Variants in CCDC40 observed in about 807,000 individuals in gnomAD.
CCDC40 encodes the protein coiled-coil domain-containing protein 40.
CCDC40 carries 104 observed loss-of-function variants against 124.5 expected under a neutral mutation model. The observed-to-expected ratio is 0.84, with a 90% CI of 0.71 to 0.98. The LOEUF (loss-of-function observed/expected upper bound fraction) is 0.98. Ranked by LOEUF, CCDC40 falls within the 50% of genes least tolerant of loss-of-function variation. CCDC40 has a pLI of 0.00. For missense variants in CCDC40, 1,463 were observed against 1,503.9 expected (o/e 0.97, Z 0.45); for synonymous variants, 580 against 602.9 (o/e 0.96, Z 0.56).
Position 80,054,552 on chromosome 17 carries a change from C to T in CCDC40, c.1160-3942C>T, listed in dbSNP as rs143350300. The stretch of plus-strand genomic sequence containing the variant: ...ATACAAGCAGGAAACTGTAAAGCGG[C>T]CCCACATGTGAGGAGTGAAAATCCT... On this transcript the variant is annotated intron_variant, in intron 7 of 19. Transcript: ENST00000397545. Among the ~76,000 whole-genome samples the T allele has an allele frequency of 8.5e-5, 13 of 152,180 alleles. No homozygotes were observed. The East Asian group carries it at 1.9e-3, about 23-fold the overall frequency.
chr17:80,095,400 C>G lies in CCDC40; in HGVS notation c.2970C>G (p.Asp990Glu). ...ACAGGAAGGCGCTCACCCGCACCGA[C>G]TTCCACCACAAGCAGCTTGAGCTGC... ...KMDRKALTRT[D>E]FHHKQLELRR... Residue 990 changes from aspartate (D) to glutamate (E), a missense_variant, in exon 18 of 20, where the codon GAC (aspartate) becomes GAG (glutamate). Asp to Glu is a conservative substitution (Grantham distance 45, BLOSUM62 2). Transcript: ENST00000397545. 6.2e-7 allele frequency: 1 copy of G among 1,614,142 alleles called. No homozygotes were observed. Among genetic ancestry groups the G allele is most frequent in the Non-Finnish European group, 8.5e-7 (1 of 1,180,042 alleles).
intron 10 of CCDC40, among the ~76,000 whole-genome samples, chr17:80,075,836 A>G (rs2038299238): frequency 6.6e-6 from 1 of 152,166 alleles, no homozygotes; most frequent in Admixed American, 6.6e-5. Flanking sequence ...CCTAATATCA[A>G]CATTAACAGA....
rs890608651 is a variant in CCDC40 at position 80,089,974 on chromosome 17, G to A, written c.2832+90G>A. ...GCCACACCAAGGCCTCGGCTCTCCC[G>A]GGGCTCCTGTGGGAACCACACTGGC... is the stretch of plus-strand genomic sequence containing the variant. On this transcript the variant is annotated intron_variant, in intron 17 of 19. Coordinates refer to ENST00000397545, the MANE Select transcript of CCDC40 (RefSeq NM_017950.4). The A allele has an allele frequency of 4.5e-6, 7 of 1,561,842 alleles. No individual in the cohort carries two copies. The Admixed American group carries it at 5.7e-5, about 13-fold the overall frequency.
intron 10 of CCDC40, among the ~76,000 whole-genome samples, chr17:80,078,492 G>C (rs1387714600): frequency 6.6e-6 from 1 of 152,160 alleles, no homozygotes; most frequent in Admixed American, 6.5e-5. Flanking sequence ...CTCAGGTTTT[G>C]TGTGTCTCTC....
At chr17:80,051,651 A>G (rs1006457175) in intron 7 of CCDC40, among the ~76,000 whole-genome samples, 12 of 146,860 alleles carry the variant, frequency 8.2e-5, no homozygotes, top group East Asian at 3.9e-4. Flanking sequence ...AAAAAAAAAA[A>G]AAAGAAAAAA....
chr17:80,052,114 A>T (rs753030), intron 7 of CCDC40, among the ~76,000 whole-genome samples: 10 of 152,186 alleles, frequency 6.6e-5, no homozygotes, highest in African/African-American at 2.4e-4. Context: ...GAGAAAGCCC[A>T]CGGTCACCTG....
At chr17:80,084,184 G>A (rs923444094) in intron 12 of CCDC40, among the ~76,000 whole-genome samples, 12 of 149,122 alleles carry the variant, frequency 8.0e-5, no homozygotes, top group African/African-American at 3.0e-4. Context: ...CCTAAGACTG[G>A]ATAACTGATA....
In CCDC40 at chr17:80,044,851, G is replaced by C. The variant is rs185873650; in HGVS notation, c.553-2428G>C. ...GGCCTAGTTTCTAGAAAATACACTG[G>C]GAAGTAGTTTTCAAATATGATTGAA... On this transcript the variant is annotated intron_variant, in intron 3 of 19. Transcript: ENST00000397545. 5.3e-3 allele frequency among the ~76,000 whole-genome samples: 800 copies of C among 151,912 alleles called. 3 individuals carry two copies. Among genetic ancestry groups the C allele is most frequent in the African/African-American group, 0.015 (640 of 41,330 alleles).
intron 10 of CCDC40, among the ~76,000 whole-genome samples, chr17:80,077,516 C>T (rs1175131881): frequency 6.6e-6 from 1 of 152,208 alleles, no homozygotes; most frequent in Admixed American, 6.5e-5. Flanking sequence ...GAGCGAGACT[C>T]CGTCTCAAAA....
chr17:80,039,665 C>G (rs2037222452), intron 2 of CCDC40, 147 bp from the exon 3 acceptor site: 2 of 1,036,410 alleles, frequency 1.9e-6, no homozygotes, highest in Non-Finnish European at 2.8e-6. Context: ...CTGCCTCAGC[C>G]TCCCAAAGTG....
chr17:80,047,549 T>C (rs2143606470), intron 4 of CCDC40, 147 bp downstream of exon 4: 3 of 772,262 alleles, frequency 3.9e-6, no homozygotes, highest in Non-Finnish European at 6.5e-6. Flanking sequence ...TTAACAGATA[T>C]GGATAACATT....
intron 7 of CCDC40, among the ~76,000 whole-genome samples, chr17:80,051,643 A>G (rs1440585662): frequency 4.0e-5 from 6 of 149,556 alleles, no homozygotes; most frequent in Non-Finnish European, 8.9e-5. Context: ...AAAAAAAAAA[A>G]AAAAAAAAAA....
chr17:80,068,222 C>T (rs772387613), intron 10 of CCDC40, among the ~76,000 whole-genome samples: 6 of 152,094 alleles, frequency 3.9e-5, no homozygotes, highest in South Asian at 2.1e-4. Flanking sequence ...TTAGTAGAGA[C>T]GGGGTTTCAC....
In CCDC40 at chr17:80,087,069, A is replaced by G; in HGVS notation, c.2450-538A>G. On this transcript the variant is annotated intron_variant, in intron 14 of 19. Transcript: ENST00000397545. This position sits in a 1 kb window ranked among gnomAD's most constrained non-coding sequence, Gnocchi z 4.5. ...GGTAGTCAGGGCACACCATGGGGAC[A>G]GCAGGAGGAGCTGGAGAAGCCCTGT... 1 of 208,906 alleles carries G rather than the reference A, an allele frequency of 4.8e-6. No individual in the cohort carries two copies. The allele number at this position is 208,906 out of a possible 1,614,324, so 12.9% of individuals were successfully genotyped here.
chr17:80,049,779 G>A (rs2037530755), intron 5 of CCDC40, 127 bp from the exon 6 acceptor site: 1 of 761,870 alleles, frequency 1.3e-6, no homozygotes, highest in South Asian at 1.4e-5. Context: ...AGCAGAAGCA[G>A]GGAGCACTCC....
intron 16 of CCDC40, among the ~76,000 whole-genome samples, chr17:80,089,242 G>C (rs560782428): frequency 6.6e-6 from 1 of 152,340 alleles, no homozygotes; most frequent in Non-Finnish European, 1.5e-5. Flanking sequence ...CCTGTGGAAA[G>C]GGTGCGGAGC....
At chr17:80,050,379 T>C (rs1028056002) in intron 7 of CCDC40, 96 bp downstream of exon 7, 4 of 958,854 alleles carry the variant, frequency 4.2e-6, no homozygotes, top group African/African-American at 1.6e-5. Flanking sequence ...AAAAGTAAGA[T>C]GTGTGTGCAT....
At chr17:80,055,998 A>ATTTTTTT (rs1568682555) in intron 7 of CCDC40, among the ~76,000 whole-genome samples, 1 of 5,310 alleles carries the variant, frequency 1.9e-4, no homozygotes, top group Non-Finnish European at 9.2e-4. Flanking sequence ...ATATATATAT[A>ATTTTTTT]TATATATATA....
chr17:80,084,520 C>T (rs376089652), intron 12 of CCDC40, among the ~76,000 whole-genome samples: 5 of 152,132 alleles, frequency 3.3e-5, no homozygotes, highest in African/African-American at 9.7e-5. Context: ...AAGCTAATAC[C>T]ATGATCTCTC....
Sources: allele counts gnomAD v4.1 joint callset (sites outside exome capture counted in the v4.1 genomes callset), GRCh38; gene constraint gnomAD v4.1.1; non-coding constraint Gnocchi (gnomAD v3.1); transcripts MANE v1.5; gene names NCBI Gene and HGNC (gene_info 2026-07-23, HGNC 2026-07-21).